ZFHX3: variants seen among roughly 807,000 people sequenced by gnomAD.
The protein encoded by ZFHX3 is zinc finger homeobox 3.
A neutral mutation model predicts 279.1 loss-of-function variants in ZFHX3; 42 were observed. That is an observed-to-expected ratio of 0.15 (90% CI 0.12 to 0.19). ZFHX3 has a LOEUF of 0.19. Among genes scored for constraint, ZFHX3 ranks in the 10% least tolerant of loss-of-function variants. The pLI, the probability that ZFHX3 is intolerant of heterozygous loss-of-function variation, is 1.00. For missense variants in ZFHX3, 4,981 were observed against 4,754.0 expected (o/e 1.05, Z -1.40); for synonymous variants, 2,293 against 1,957.8 (o/e 1.17, Z -4.52).
chr16:73,283,536 C>T lies in ZFHX3; in HGVS notation c.-1193-26400G>A, dbSNP rs529692757. On this transcript the variant is annotated intron_variant, in intron 4 of 17. Transcript: ENST00000641206. ...GGGGGGACTATCAACTAATGGGGGA[C>T]CCAGATAATAAGAAAACATGGACAT... Among the ~76,000 whole-genome samples, 21 of 152,204 alleles carry T rather than the reference C, an allele frequency of 1.4e-4. No homozygotes were observed. The East Asian group carries it at 3.7e-3, about 27-fold the overall frequency.
At chr16:72,841,191 G>A (rs1029178007) in intron 4 of ZFHX3, among the ~76,000 whole-genome samples, 1 of 152,114 alleles carries the variant, frequency 6.6e-6, no homozygotes, top group Non-Finnish European at 1.5e-5. Context: ...TTCAAGGTGC[G>A]TCTACACGTG....
In ZFHX3 at chr16:73,491,477, A is replaced by G. The variant is rs1000113254; in HGVS notation, c.-1546-35219T>C. On this transcript the variant is annotated intron_variant, in intron 2 of 17. Coordinates refer to the ZFHX3 transcript ENST00000641206. Reference sequence around the variant, plus strand: ...AATGAAGCTATTTTGAATACGCTTCAAAAGATTTCAAACTGTAGGCATGTG... The same window carrying G: ...AATGAAGCTATTTTGAATACGCTTCGAAAGATTTCAAACTGTAGGCATGTG... 2.0e-5 allele frequency among the ~76,000 whole-genome samples: 3 copies of G among 152,238 alleles called. No individual in the cohort carries two copies. The East Asian group carries it at 5.8e-4, about 29-fold the overall frequency.
intron 1 of ZFHX3, among the ~76,000 whole-genome samples, chr16:73,711,949 C>T (rs568071120): frequency 9.8e-5 from 15 of 152,342 alleles, no homozygotes; most frequent in African/African-American, 3.6e-4. Flanking sequence ...CTCTGGGAAA[C>T]CCTGAGCCCA....
intron 3 of ZFHX3, among the ~76,000 whole-genome samples, chr16:73,389,439 G>A (rs919841677): frequency 1.3e-5 from 2 of 152,180 alleles, no homozygotes; most frequent in African/African-American, 2.4e-5. Context: ...ATTGTCAAAA[G>A]GTCTTTCTCT....
At chr16:73,497,116 C>A (rs1425319659) in intron 2 of ZFHX3, among the ~76,000 whole-genome samples, 1 of 152,238 alleles carries the variant, frequency 6.6e-6, no homozygotes, top group Non-Finnish European at 1.5e-5. Flanking sequence ...CCCATATTAA[C>A]TTTCCTGTAG....
At chr16:73,245,963 T>C (rs1332997940) in intron 5 of ZFHX3, among the ~76,000 whole-genome samples, 2 of 152,128 alleles carry the variant, frequency 1.3e-5, no homozygotes, top group East Asian at 3.9e-4. Flanking sequence ...CAGTGAGATG[T>C]GGGCCTTGGG....
intron 1 of ZFHX3, among the ~76,000 whole-genome samples, chr16:72,966,933 G>T (rs899873012): frequency 5.3e-5 from 8 of 152,224 alleles, no homozygotes; most frequent in African/African-American, 1.2e-4. Flanking sequence ...TGGAGAAGGG[G>T]ATTGTGCTAT....
At chr16:73,465,053 C>T (rs573319265) in intron 2 of ZFHX3, among the ~76,000 whole-genome samples, 2 of 152,150 alleles carry the variant, frequency 1.3e-5, no homozygotes, top group African/African-American at 2.4e-5. Context: ...TGAGAGGACC[C>T]GGCACACCGG....
At chr16:73,003,532 C>T (rs1459581670) in intron 1 of ZFHX3, among the ~76,000 whole-genome samples, 1 of 135,910 alleles carries the variant, frequency 7.4e-6, no homozygotes, top group African/African-American at 2.9e-5. Flanking sequence ...CCCCACCCCG[C>T]CCCATCTCTT....
At chr16:73,266,622 C>T (rs888475349) in intron 4 of ZFHX3, among the ~76,000 whole-genome samples, 1 of 152,162 alleles carries the variant, frequency 6.6e-6, no homozygotes, top group African/African-American at 2.4e-5. Context: ...TGCGTCCCCA[C>T]CCAAATCTCA....
intron 2 of ZFHX3, among the ~76,000 whole-genome samples, chr16:73,490,508 C>T (rs781531811): frequency 3.3e-5 from 5 of 152,212 alleles, no homozygotes; most frequent in Non-Finnish European, 5.9e-5. Flanking sequence ...CCACCTTTCA[C>T]TGACGCAACC....
At position 72,819,658 on chromosome 16, in the gene ZFHX3, A is replaced by T. The variant is rs201728024; in HGVS notation, c.3530-7620T>A. Among the ~76,000 whole-genome samples, 8 of 152,328 alleles carry T rather than the reference A, an allele frequency of 5.3e-5. No individual in the cohort carries two copies. The East Asian group carries it at 1.5e-3, about 29-fold the overall frequency. ...CTAGAAATAAATGAGAGGGCCCAGCAAGCATGGGCCAATCTGTCAGTCCAC... is the reference window on the plus strand; with the variant it reads ...CTAGAAATAAATGAGAGGGCCCAGCTAGCATGGGCCAATCTGTCAGTCCAC... On this transcript the variant is annotated intron_variant, in intron 5 of 9. Transcript: ENST00000268489.
intron 2 of ZFHX3, chr16:73,505,007 G>A (rs970223814): frequency 1.3e-5 from 2 of 152,010 alleles, no homozygotes; most frequent in African/African-American, 2.4e-5. Context: ...AAAGATGAGG[G>A]GGCAATGAGA....
chr16:73,491,409 C>T (rs1159405259), intron 2 of ZFHX3, among the ~76,000 whole-genome samples: 1 of 152,178 alleles, frequency 6.6e-6, no homozygotes, highest in Non-Finnish European at 1.5e-5. Flanking sequence ...ATGCAGATAG[C>T]TGGAAAGCAC....
intron 2 of ZFHX3, among the ~76,000 whole-genome samples, chr16:73,637,832 A>C (rs1041783292): frequency 1.3e-5 from 2 of 152,188 alleles, no homozygotes; most frequent in African/African-American, 4.8e-5. Context: ...ACAGTACAAA[A>C]TGTGAATCCC....
chr16:73,368,272 G>T (rs1310435680), intron 3 of ZFHX3, among the ~76,000 whole-genome samples: 1 of 152,206 alleles, frequency 6.6e-6, no homozygotes, highest in Non-Finnish European at 1.5e-5. Flanking sequence ...AAAACAAAAA[G>T]CCTCTGTAAA....
At chr16:73,406,111 A>G (rs1432981173) in intron 3 of ZFHX3, among the ~76,000 whole-genome samples, 1 of 152,266 alleles carries the variant, frequency 6.6e-6, no homozygotes, top group Non-Finnish European at 1.5e-5. Context: ...AGCCGGCCTC[A>G]GGATGCCCCA....
At position 73,120,901 on chromosome 16, in the gene ZFHX3, A is replaced by G. The variant is rs185554628; in HGVS notation, c.-897+10067T>C. Among the ~76,000 whole-genome samples, 1,190 of 151,100 alleles carry G rather than the reference A, an allele frequency of 7.9e-3. 9 individuals carry two copies. Among genetic ancestry groups the G allele is most frequent in the African/African-American group, 0.028 (1,151 of 41,126 alleles). On this transcript the variant is annotated intron_variant, in intron 7 of 17. Coordinates refer to the ZFHX3 transcript ENST00000641206. ...GATATCCTGACCTTGTGATCCGCCC[A>G]CCTCGGCCTCCCAGAGTGCTGGGAT...
chr16:72,881,949 G>A (rs118116459), intron 4 of ZFHX3, among the ~76,000 whole-genome samples: 1,972 of 152,202 alleles, frequency 0.013, 15 homozygotes, highest in Non-Finnish European at 0.02. Context: ...GGGATGTTTC[G>A]AAATAAAGGT....
Sources: allele counts gnomAD v4.1 joint callset (sites outside exome capture counted in the v4.1 genomes callset), GRCh38; gene constraint gnomAD v4.1.1; transcripts MANE v1.5; gene names NCBI Gene and HGNC (gene_info 2026-07-23, HGNC 2026-07-21).